The following CSMD3 variants were observed in gnomAD, a reference collection of about 807,000 sequenced individuals.
CSMD3 encodes the protein CUB and Sushi multiple domains 3, also known as CUB and sushi domain-containing protein 3.
A neutral mutation model predicts 435.2 loss-of-function variants in CSMD3; 177 were observed. That is an observed-to-expected ratio of 0.41 (90% confidence interval 0.36 to 0.46). The LOEUF is 0.46. Among genes scored for constraint, CSMD3 ranks in the 20% least tolerant of loss-of-function variants. CSMD3 has a pLI of 0.34. For synonymous variants in CSMD3, 1,656 were observed against 1,520.5 expected, an observed-to-expected ratio of 1.09 and a Z score of -2.07; for missense variants, 4,265 against 4,504.6, an observed-to-expected ratio of 0.95 and a Z score of 1.52.
chr8:113,377,076 T>C (rs969439361), intron 1 of CSMD3: 1 of 1,299,642 alleles, frequency 7.7e-7, no homozygotes. Context: ...GCCTCACTTT[T>C]CGCCAGCTGG....
intron 5 of CSMD3, among the ~76,000 whole-genome samples, chr8:113,064,557 A>T: frequency 6.6e-6 from 1 of 152,190 alleles, no homozygotes; most frequent in Admixed American, 6.5e-5. Context: ...AAAAACGAAA[A>T]TAATACAGCA....
intron 54 of CSMD3, among the ~76,000 whole-genome samples, chr8:112,293,246 G>T (rs897800411): frequency 6.6e-5 from 10 of 151,960 alleles, no homozygotes; most frequent in Admixed American, 5.9e-4. Flanking sequence ...CTATGATCTT[G>T]CCACTGCACT....
At chr8:112,435,976 A>C (rs1298500084) in intron 32 of CSMD3, among the ~76,000 whole-genome samples, 1 of 151,964 alleles carries the variant, frequency 6.6e-6, no homozygotes, top group Non-Finnish European at 1.5e-5. Flanking sequence ...TTTGAACATA[A>C]TTTGTGGCAA....
intron 59 of CSMD3, among the ~76,000 whole-genome samples, chr8:112,270,023 A>G (rs1817316726): frequency 6.6e-6 from 1 of 152,206 alleles, no homozygotes; most frequent in African/African-American, 2.4e-5. Context: ...AGTTAGAAAC[A>G]ATGAGTGTTG....
intron 27 of CSMD3, among the ~76,000 whole-genome samples, chr8:112,545,482 C>CAAAAAAAAAAAAAA (rs71566032): frequency 1.9e-4 from 5 of 26,878 alleles, no homozygotes; most frequent in Admixed American, 5.3e-4. Flanking sequence ...GACTCCATCT[C>CAAAAAAAAAAAAAA]AAAAAAAAAA....
At chr8:112,344,162 G>C (rs1001185296) in intron 41 of CSMD3, among the ~76,000 whole-genome samples, 1 of 152,176 alleles carries the variant, frequency 6.6e-6, no homozygotes, top group East Asian at 1.9e-4. Flanking sequence ...GATTACAGGT[G>C]TGAGACACCA....
intron 7 of CSMD3, among the ~76,000 whole-genome samples, chr8:112,957,911 A>AC: frequency 6.6e-6 from 1 of 151,882 alleles, no homozygotes; most frequent in African/African-American, 2.4e-5. Flanking sequence ...GCGCCCAGAT[A>AC]TTTTTTGTAT....
At chr8:113,063,100 T>C (rs2088688336) in intron 5 of CSMD3, among the ~76,000 whole-genome samples, 1 of 151,628 alleles carries the variant, frequency 6.6e-6, no homozygotes, top group African/African-American at 2.4e-5. Flanking sequence ...TTCAATCACA[T>C]TCCCTACAAA....
chr8:113,075,162 C>A (rs953928892), intron 5 of CSMD3, among the ~76,000 whole-genome samples: 2 of 151,584 alleles, frequency 1.3e-5, no homozygotes, highest in East Asian at 1.9e-4. Flanking sequence ...TTGGGTAATA[C>A]TGAAGATATT....
At chr8:112,458,452 C>T (rs1440239706) in intron 32 of CSMD3, among the ~76,000 whole-genome samples, 2 of 151,996 alleles carry the variant, frequency 1.3e-5, no homozygotes. Flanking sequence ...TAGATAAGAA[C>T]ATTTCTTCCA....
intron 3 of CSMD3, among the ~76,000 whole-genome samples, chr8:113,274,897 A>C (rs561550169): frequency 1.2e-4 from 18 of 151,914 alleles, no homozygotes; most frequent in African/African-American, 3.9e-4. Flanking sequence ...GGAGGGAGGC[A>C]GAGAAATAAA....
chr8:113,015,002 C>T (rs765271398), intron 6 of CSMD3, among the ~76,000 whole-genome samples: 20 of 152,206 alleles, frequency 1.3e-4, no homozygotes, highest in Middle Eastern at 6.8e-3. Context: ...CAATTCTAAC[C>T]TTCTGATCCT....
chr8:112,359,416 A>G (rs1826955886), intron 38 of CSMD3, among the ~76,000 whole-genome samples: 1 of 152,198 alleles, frequency 6.6e-6, no homozygotes, highest in African/African-American at 2.4e-5. Flanking sequence ...CCATCTGAGA[A>G]TGAAAGCTCC....
intron 1 of CSMD3, among the ~76,000 whole-genome samples, chr8:113,336,715 A>C (rs1011066348): frequency 6.6e-6 from 1 of 152,082 alleles, no homozygotes; most frequent in Non-Finnish European, 1.5e-5. Context: ...CACTCTGAAC[A>C]CTAGATCTCT....
At chr8:113,344,818 A>G (rs2094141632) in intron 1 of CSMD3, among the ~76,000 whole-genome samples, 1 of 152,150 alleles carries the variant, frequency 6.6e-6, no homozygotes, top group Admixed American at 6.5e-5. Context: ...CTTAATATTA[A>G]CAATCTAATG....
chr8:113,317,409 A>C (rs2093918451), intron 1 of CSMD3, among the ~76,000 whole-genome samples: 1 of 152,158 alleles, frequency 6.6e-6, no homozygotes, highest in African/African-American at 2.4e-5. Flanking sequence ...GTTTTAGAAA[A>C]AGGACATATG....
At chr8:113,328,213 C>T (rs376455613) in intron 1 of CSMD3, among the ~76,000 whole-genome samples, 146 of 151,544 alleles carry the variant, frequency 9.6e-4, no homozygotes, top group African/African-American at 3.3e-3. Context: ...CCGAGGCGGG[C>T]GGATCACGAG....
chr8:112,699,377 T>G (rs1192080855), intron 13 of CSMD3, among the ~76,000 whole-genome samples: 2 of 152,074 alleles, frequency 1.3e-5, no homozygotes, highest in Non-Finnish European at 2.9e-5. Flanking sequence ...GGTCCACGGC[T>G]TCATGCTTGA....
rs562530127 is a variant in CSMD3, at chr8:112,674,071, A to G, written c.2678-7656T>C. On this transcript the variant is annotated intron_variant, in intron 16 of 70. Coordinates refer to ENST00000297405, the MANE Select transcript of CSMD3 (RefSeq NM_198123.2). ...TAAAAACTTGATCCAGTTCAATTTAAAACTGTTATCTCATTCTCTCCATTC... is the reference window on the plus strand; with the variant it reads ...TAAAAACTTGATCCAGTTCAATTTAGAACTGTTATCTCATTCTCTCCATTC... Among the ~76,000 whole-genome samples, 4 of 152,198 alleles carry G rather than the reference A, an allele frequency of 2.6e-5. No homozygotes were observed. In the East Asian group the frequency reaches 7.7e-4, roughly 29 times the overall value.
Sources: gnomAD v4.1 joint callset for allele counts (sites outside exome capture counted in the v4.1 genomes callset) on GRCh38, gnomAD v4.1.1 for gene constraint, MANE v1.5 for transcripts, NCBI Gene and HGNC (gene_info 2026-07-23, HGNC 2026-07-21) for gene names.